The following LSAMP variants were observed in gnomAD, a reference collection of about 807,000 sequenced individuals.
LSAMP encodes limbic system-associated membrane protein.
In LSAMP, 7 loss-of-function variants were observed where a neutral mutation model predicts 38.6. The ratio of observed to expected loss-of-function variants is 0.18; its 90% CI spans 0.10 to 0.34. The LOEUF is 0.34. Ranked by LOEUF, LSAMP falls within the 10% of genes least tolerant of loss-of-function variation. The probability of loss-of-function intolerance (pLI) is 1.00; values close to 1 mark genes in which losing one functional copy is unlikely to be tolerated. For missense variants in LSAMP, 313 were observed against 420.0 expected (o/e 0.75, Z 2.23); for synonymous variants, 154 against 166.8 (o/e 0.92, Z 0.59).
intron 2 of LSAMP, among the ~76,000 whole-genome samples, chr3:116,064,098 CTTA>C (rs1941641815): frequency 6.6e-6 from 1 of 152,086 alleles, no homozygotes; most frequent in Non-Finnish European, 1.5e-5. Flanking sequence ...TAGAGCAAAT[CTTA>C]TTAATAGTCT....
chr3:115,916,648 T>A (rs1001558561), intron 3 of LSAMP, among the ~76,000 whole-genome samples: 1 of 152,234 alleles, frequency 6.6e-6, no homozygotes, highest in South Asian at 2.1e-4. Flanking sequence ...TTGTAGCCTA[T>A]AGGAACTTGA....
At chr3:116,434,662 C>T (rs140874440) in intron 1 of LSAMP, among the ~76,000 whole-genome samples, 1 of 152,250 alleles carries the variant, frequency 6.6e-6, no homozygotes, top group African/African-American at 2.4e-5. Flanking sequence ...AAGCCATTCT[C>T]CTGCCTCGGC....
chr3:116,427,047 G>A (rs2049206151), intron 1 of LSAMP, among the ~76,000 whole-genome samples: 1 of 149,134 alleles, frequency 6.7e-6, no homozygotes, highest in Non-Finnish European at 1.5e-5. Flanking sequence ...CTCTATCTTC[G>A]TTCATTCATT....
intron 1 of LSAMP, among the ~76,000 whole-genome samples, chr3:116,162,889 C>T (rs1177521340): frequency 6.6e-6 from 1 of 151,786 alleles, no homozygotes; most frequent in African/African-American, 2.4e-5. Context: ...AGGCTTTGTT[C>T]TCCCTCTCAA....
chr3:116,098,546 C>A (rs986239115), intron 1 of LSAMP, among the ~76,000 whole-genome samples: 3 of 152,158 alleles, frequency 2.0e-5, no homozygotes, highest in Admixed American at 1.3e-4. Flanking sequence ...GGACACTTCT[C>A]AAATGGAGAA....
intron 1 of LSAMP, among the ~76,000 whole-genome samples, chr3:116,415,161 A>C (rs9289052): frequency 0.032 from 4,841 of 152,140 alleles, 252 homozygotes; most frequent in African/African-American, 0.11. Flanking sequence ...CCATTGCAAT[A>C]GTCTTTCTAA....
At chr3:116,312,044 A>G (rs2047564236) in intron 1 of LSAMP, among the ~76,000 whole-genome samples, 1 of 152,172 alleles carries the variant, frequency 6.6e-6, no homozygotes, top group Admixed American at 6.5e-5. Flanking sequence ...CAATAGATAC[A>G]ATCCATTGAT....
In LSAMP at chr3:116,270,839, T is replaced by C. The variant is rs771300812; in HGVS notation, c.155+174038A>G. Reference sequence around the variant, plus strand: ...ATCCCACTTGAATAATTATATACAATAAGCAGTAAAAAAATACTGTAACTT... The same window carrying C: ...ATCCCACTTGAATAATTATATACAACAAGCAGTAAAAAAATACTGTAACTT... On this transcript the variant is annotated intron_variant, in intron 1 of 6. Coordinates refer to ENST00000490035, the MANE Select transcript of LSAMP (RefSeq NM_002338.5). Among the ~76,000 whole-genome samples, 76 of 152,080 alleles carry C rather than the reference T, an allele frequency of 5.0e-4. 1 individual carries two copies. The highest frequency in any genetic ancestry group is 1.5e-3 in the Admixed American group (23 of 15,254).
At chr3:115,931,360 A>C (rs1402115062) in intron 3 of LSAMP, among the ~76,000 whole-genome samples, 1 of 152,212 alleles carries the variant, frequency 6.6e-6, no homozygotes, top group East Asian at 1.9e-4. Flanking sequence ...AAGTTGAGAA[A>C]GACTTTCTTT....
At position 115,808,509 on chromosome 3, in the gene LSAMP, T is replaced by C. The variant is rs1032282108; in HGVS notation, c.*1808A>G. 6.6e-6 allele frequency: 1 copy of C among 152,112 alleles called. No individual in the cohort carries two copies. The highest frequency in any genetic ancestry group is 2.4e-5 in the African/African-American group (1 of 41,430). The allele number at this position is 152,112 out of a possible 1,614,324, so 9.4% of individuals were successfully genotyped here. A position where few individuals can be genotyped will look rare whatever the true frequency, so the allele number is the denominator to read the frequency against. On this transcript the variant is annotated 3_prime_UTR_variant, in exon 7 of 7. Transcript: ENST00000490035. ...CCAAGCTTTGTGGTACTCATAAAAT[T>C]TCTGTCTAAATTTATTACAAGTTGC... is the stretch of plus-strand genomic sequence containing the variant.
chr3:115,816,596 C>CAAAAATA lies in LSAMP; in HGVS notation c.920-6189_920-6183dup, dbSNP rs778557341. The CAAAAATA allele has an allele frequency of 3.1e-6, 4 of 1,281,914 alleles. No homozygotes were observed. In the South Asian group the frequency reaches 5.0e-5, roughly 16 times the overall value. 79.4% of individuals were successfully genotyped at this position (1,281,914 alleles called of 1,614,324 possible). ...TTAATTTTGACATATGGAAGGTAACCAAAAATAAGAACCATACCTTTTTGC... is the reference window on the plus strand; with the variant it reads ...TTAATTTTGACATATGGAAGGTAACCAAAAATAAAAAATAAGAACCATACCTTTTTGC... On this transcript the variant is annotated intron_variant, in intron 6 of 6. Transcript: ENST00000490035.
chr3:116,234,492 T>G (rs2046441187), intron 1 of LSAMP, among the ~76,000 whole-genome samples: 1 of 70,916 alleles, frequency 1.4e-5, no homozygotes, highest in Non-Finnish European at 4.3e-5. Context: ...TGAAATAAAT[T>G]AATCTACTTA....
chr3:116,232,805 G>A (rs749632500), intron 1 of LSAMP, among the ~76,000 whole-genome samples: 6 of 142,132 alleles, frequency 4.2e-5, no homozygotes, highest in Admixed American at 7.7e-5. Context: ...GAACTATTAG[G>A]TTAAATGAAC....
At chr3:116,289,071 G>T (rs1319189872) in intron 1 of LSAMP, among the ~76,000 whole-genome samples, 2 of 151,278 alleles carry the variant, frequency 1.3e-5, no homozygotes, top group African/African-American at 2.5e-5. Flanking sequence ...CATGAGTTTT[G>T]TTTATTTATC....
At chr3:115,928,111 A>T (rs777592699) in intron 3 of LSAMP, among the ~76,000 whole-genome samples, 3 of 152,250 alleles carry the variant, frequency 2.0e-5, no homozygotes, top group Non-Finnish European at 4.4e-5. Context: ...AATTTGCTGA[A>T]TAACAAAATG....
chr3:115,810,405 G>A lies in LSAMP; in HGVS notation c.929C>T (p.Ser310Leu), dbSNP rs759178720. 18 of 1,612,164 alleles carry A rather than the reference G, an allele frequency of 1.1e-5. No individual in the cohort carries two copies. In the South Asian group the frequency reaches 1.2e-4, roughly 11 times the overall value. ...NASLVLFRPG[S>L]VRGINGSISL... ...GATGGATCCATTTATTCCTCTCACC[G>A]ACCCAGGTCCTGCAGAGCAAAAGAG... Residue 310 changes from serine (S) to leucine (L), a missense_variant, in exon 7 of 7, where the codon TCG (serine) becomes TTG (leucine). By Grantham distance (145) the Ser-to-Leu change is moderately radical (BLOSUM62 -2). Transcript: ENST00000490035.
chr3:116,108,173 G>T (rs1168030749), intron 1 of LSAMP, among the ~76,000 whole-genome samples: 1 of 152,090 alleles, frequency 6.6e-6, no homozygotes, highest in African/African-American at 2.4e-5. Flanking sequence ...TAAGGTGGGG[G>T]AATACAAGAG....
chr3:116,168,085 TA>T (rs1197120724), intron 1 of LSAMP, among the ~76,000 whole-genome samples: 2 of 152,108 alleles, frequency 1.3e-5, no homozygotes, highest in Admixed American at 6.5e-5. Context: ...AAGTATTTTT[TA>T]AAAAATATTT....
intron 1 of LSAMP, among the ~76,000 whole-genome samples, chr3:116,148,896 A>T (rs920428362): frequency 2.0e-5 from 3 of 152,030 alleles, no homozygotes; most frequent in Non-Finnish European, 4.4e-5. Flanking sequence ...ACTCTCTGCT[A>T]TCTGCAATCA....
Sources: allele counts gnomAD v4.1 joint callset (sites outside exome capture counted in the v4.1 genomes callset), GRCh38; gene constraint gnomAD v4.1.1; transcripts MANE v1.5; gene names NCBI Gene and HGNC (gene_info 2026-07-23, HGNC 2026-07-21).